RYR2: variants seen among roughly 807,000 people sequenced by gnomAD.
RYR2 encodes the protein ryanodine receptor 2.
RYR2 carries 227 observed loss-of-function variants against 601.1 expected under a neutral mutation model. That is an observed-to-expected ratio of 0.38 (90% confidence interval 0.34 to 0.42). The LOEUF (loss-of-function observed/expected upper bound fraction) is 0.42, where lower values mean the gene tolerates loss of function less well. Among genes scored for constraint, RYR2 ranks in the 10% least tolerant of loss-of-function variants. RYR2 has a pLI of 1.00. For synonymous variants in RYR2, 2,223 were observed against 2,175.1 expected (o/e 1.02, Z -0.61); for missense variants, 4,646 against 6,156.5 (o/e 0.75, Z 8.21).
intron 76 of RYR2, among the ~76,000 whole-genome samples, chr1:237,728,503 G>A (rs1264521066): frequency 2.6e-5 from 4 of 151,916 alleles, no homozygotes; most frequent in South Asian, 2.1e-4. Context: ...TTGCAGCACT[G>A]TTCACAATAG....
At chr1:237,442,131 G>A (rs1707961155) in intron 13 of RYR2, among the ~76,000 whole-genome samples, 1 of 152,170 alleles carries the variant, frequency 6.6e-6, no homozygotes, top group Non-Finnish European at 1.5e-5. Flanking sequence ...GTCTTCAACT[G>A]CATTAGCTTT....
At chr1:237,533,299 C>T (rs1017904302) in intron 25 of RYR2, among the ~76,000 whole-genome samples, 13 of 152,194 alleles carry the variant, frequency 8.5e-5, no homozygotes, top group South Asian at 6.2e-4. Context: ...TGCAGATCAG[C>T]GCGAGCCTAA....
chr1:237,319,502 A>G (rs1429311924), intron 2 of RYR2, among the ~76,000 whole-genome samples: 1 of 152,164 alleles, frequency 6.6e-6, no homozygotes, highest in African/African-American at 2.4e-5. Flanking sequence ...GTCTGAGCTG[A>G]GTCTGTGACA....
chr1:237,802,787 A>G (rs1211127757), intron 98 of RYR2, among the ~76,000 whole-genome samples: 2 of 152,242 alleles, frequency 1.3e-5, no homozygotes, highest in Non-Finnish European at 2.9e-5. Flanking sequence ...TCCATGCCAC[A>G]GTATTTGCAT....
chr1:237,129,540 T>C (rs1215316728), intron 1 of RYR2, among the ~76,000 whole-genome samples: 1 of 152,120 alleles, frequency 6.6e-6, no homozygotes, highest in Non-Finnish European at 1.5e-5. Context: ...TTGAAGAGTC[T>C]GCAGGAATGC....
At chr1:237,183,776 G>A (rs559008091) in intron 1 of RYR2, among the ~76,000 whole-genome samples, 1 of 152,274 alleles carries the variant, frequency 6.6e-6, no homozygotes, top group Non-Finnish European at 1.5e-5. Flanking sequence ...TCAATTTAGA[G>A]ACTGACCTTT....
In RYR2 at chr1:237,738,685, A is replaced by AT. The variant is rs10692311; in HGVS notation, c.11092-3602dup. On this transcript the variant is annotated intron_variant, in intron 79 of 104. Transcript: ENST00000366574. ...ATACTTTTTTGTGCTGTTGGAGTTCATTTTTTTTTATTGTTGTGTTATTTC... is the reference window on the plus strand; with the variant it reads ...ATACTTTTTTGTGCTGTTGGAGTTCATTTTTTTTTTATTGTTGTGTTATTTC... Among the ~76,000 whole-genome samples the AT allele has an allele frequency of 6.1e-3, 916 of 150,738 alleles. 8 individuals are homozygous for AT. Among genetic ancestry groups the AT allele is most frequent in the African/African-American group, 0.021 (868 of 41,100 alleles).
chr1:237,445,862 G>T (rs899343054), intron 14 of RYR2, among the ~76,000 whole-genome samples: 2 of 151,990 alleles, frequency 1.3e-5, no homozygotes, highest in Non-Finnish European at 2.9e-5. Context: ...TGTCATCCAG[G>T]CTGGAGTGCA....
chr1:237,160,041 A>G (rs1675833510), intron 1 of RYR2, among the ~76,000 whole-genome samples: 1 of 152,212 alleles, frequency 6.6e-6, no homozygotes, highest in Non-Finnish European at 1.5e-5. Flanking sequence ...TCAATAGGAA[A>G]TAGGAAATGC....
intron 71 of RYR2, among the ~76,000 whole-genome samples, chr1:237,716,875 A>C (rs1573647733): frequency 1.3e-5 from 2 of 152,168 alleles, no homozygotes; most frequent in East Asian, 1.9e-4. Flanking sequence ...AAAATTAGAA[A>C]GCACACAATA....
chr1:237,355,295 C>T (rs755532331), intron 3 of RYR2, among the ~76,000 whole-genome samples: 1 of 151,984 alleles, frequency 6.6e-6, no homozygotes, highest in Non-Finnish European at 1.5e-5. Context: ...AATCCTAGGG[C>T]GTTGTAGAGA....
rs149688059 is a variant in RYR2 at position 237,612,282 on chromosome 1, C to A, written c.4910+1294C>A. Among the ~76,000 whole-genome samples the A allele has an allele frequency of 8.7e-4, 133 of 152,144 alleles. 3 individuals carry two copies. The East Asian group carries it at 0.024, about 27-fold the overall frequency. On this transcript the variant is annotated intron_variant, in intron 36 of 104. Transcript: ENST00000366574. ...ATTAGTAGTTACCTAGGGCTAGGAGCGGAACAGGACTGCTAATGGGTACTA... is the reference window on the plus strand; with the variant it reads ...ATTAGTAGTTACCTAGGGCTAGGAGAGGAACAGGACTGCTAATGGGTACTA...
intron 3 of RYR2, among the ~76,000 whole-genome samples, chr1:237,351,007 T>C (rs894026622): frequency 6.6e-6 from 1 of 152,100 alleles, no homozygotes; most frequent in East Asian, 1.9e-4. Context: ...CCAAAATTGA[T>C]TATGGAGGAA....
intron 73 of RYR2, among the ~76,000 whole-genome samples, chr1:237,722,465 G>A (rs1333940985): frequency 4.8e-5 from 7 of 146,730 alleles, no homozygotes; most frequent in South Asian, 4.3e-4. Flanking sequence ...ATGGAGTCTC[G>A]CTCTGTCGCC....
At chr1:237,354,675 A>G (rs1571950018) in intron 3 of RYR2, among the ~76,000 whole-genome samples, 3 of 152,146 alleles carry the variant, frequency 2.0e-5, no homozygotes, top group East Asian at 3.9e-4. Context: ...TCACTCCGAT[A>G]AGTTAATGTT....
intron 68 of RYR2, 48 bp downstream of exon 68, chr1:237,707,317 C>A: frequency 9.8e-7 from 1 of 1,016,200 alleles, no homozygotes; most frequent in Non-Finnish European, 1.3e-6. Context: ...GTTTTATTTC[C>A]AAAAGAATTT....
chr1:237,329,067 G>A (rs985378818), intron 2 of RYR2, among the ~76,000 whole-genome samples: 4 of 151,974 alleles, frequency 2.6e-5, no homozygotes, highest in African/African-American at 9.7e-5. Context: ...TCACCAATCA[G>A]TTCTTTTTCA....
chr1:237,425,514 G>T (rs1228024122), intron 12 of RYR2, among the ~76,000 whole-genome samples: 1 of 152,038 alleles, frequency 6.6e-6, no homozygotes, highest in African/African-American at 2.4e-5. Flanking sequence ...TGTGCCTGCA[G>T]TCCCAGCTAC....
intron 3 of RYR2, among the ~76,000 whole-genome samples, chr1:237,345,841 T>A (rs7517056): frequency 0.015 from 2,323 of 152,218 alleles, 56 homozygotes; most frequent in African/African-American, 0.05. Flanking sequence ...TCTTTTCCCC[T>A]GACCCCCAAA....
Sources: allele counts gnomAD v4.1 joint callset (sites outside exome capture counted in the v4.1 genomes callset), GRCh38; gene constraint gnomAD v4.1.1; transcripts MANE v1.5; gene names NCBI Gene and HGNC (gene_info 2026-07-23, HGNC 2026-07-21).